Variants in AP1S2 observed in about 807,000 individuals in gnomAD.
The protein encoded by AP1S2 is AP-1 complex subunit sigma-2.
In AP1S2, 1 loss-of-function variant was observed where a neutral mutation model predicts 14.3. The observed-to-expected ratio is 0.07, with a 90% CI of 0.02 to 0.33. The LOEUF (loss-of-function observed/expected upper bound fraction) is 0.33, where lower values mean the gene tolerates loss of function less well. Ranked by LOEUF, AP1S2 falls within the 10% of genes least tolerant of loss-of-function variation. The pLI, the probability that AP1S2 is intolerant of heterozygous loss-of-function variation, is 0.99. For synonymous variants in AP1S2, 30 were observed against 40.5 expected (o/e 0.74, Z 0.99); for missense variants, 30 against 117.7 (o/e 0.25, Z 3.45).
intron 4 of AP1S2, chrX:15,833,338 C>A: frequency 1.2e-6 from 1 of 857,251 alleles, no homozygotes. Context: ...ACCACTTATA[C>A]CCTGACACAC....
In AP1S2 at chrX:15,839,211, C is replaced by T. The variant is rs142670324; in HGVS notation, c.426+6168G>A. Among the ~76,000 whole-genome samples, 746 of 111,724 alleles carry T rather than the reference C, an allele frequency of 6.7e-3. 1 individual carries two copies. Among genetic ancestry groups the T allele is most frequent in the Non-Finnish European group, 0.01 (554 of 53,119 alleles). ...GTTTACCTATAAAAAAACTAAAGTA[C>T]GCTGGCAATAAAAGACTATAGTCTT... On this transcript the variant is annotated intron_variant, in intron 4 of 5. Coordinates refer to ENST00000672987, the MANE Select transcript of AP1S2 (RefSeq NM_001272071.2).
At position 15,826,885 on chromosome X, in the gene AP1S2, C is replaced by CT; in HGVS notation, c.*439_*440insA. On this transcript the variant is annotated 3_prime_UTR_variant, in exon 6 of 6. Transcript: ENST00000672987. ...CATTTGATATGTGACATGTCAATTC[C>CT]CTTTTTTTTTTTTTTTACATATGCT... 1 of 107,614 alleles carries CT rather than the reference C, an allele frequency of 9.3e-6. No homozygotes were observed. Among genetic ancestry groups the CT allele is most frequent in the Non-Finnish European group, 1.9e-5 (1 of 52,711 alleles). 8.9% of individuals were successfully genotyped at this position (107,614 alleles called of 1,213,427 possible). A position where few individuals can be genotyped will look rare whatever the true frequency, so the allele number is the denominator to read the frequency against.
chrX:15,832,964 T>A (rs762486460), intron 4 of AP1S2: 1 of 1,127,112 alleles, frequency 8.9e-7, no homozygotes, highest in South Asian at 2.3e-5. Flanking sequence ...GTACGCTTTC[T>A]TAAACCCAAT....
intron 4 of AP1S2, chrX:15,830,160 T>TA: frequency 1.3e-6 from 1 of 748,733 alleles, no homozygotes; most frequent in Non-Finnish European, 1.6e-6. Context: ...AGCAACATTT[T>TA]GTTACAGCTT....
intron 4 of AP1S2, chrX:15,831,312 G>A (rs2147298619): frequency 2.7e-6 from 2 of 752,326 alleles, no homozygotes; most frequent in Non-Finnish European, 3.1e-6. Context: ...ATCAGTTGCA[G>A]AAAGGAATGA....
At chrX:15,845,346 G>A (rs780107799) in intron 4 of AP1S2, 33 bp downstream of exon 4, 1 of 1,208,457 alleles carries the variant, frequency 8.3e-7, no homozygotes, top group Admixed American at 2.2e-5. Flanking sequence ...AGCAAAACAT[G>A]CTAGTGCCTA....
Position 15,826,179 on chromosome X carries a change from A to G in AP1S2, c.*1146T>C, listed in dbSNP as rs1262607593. 2 of 112,414 alleles carry G rather than the reference A, an allele frequency of 1.8e-5. No individual in the cohort carries two copies. The highest frequency in any genetic ancestry group is 3.8e-5 in the Non-Finnish European group (2 of 53,267). 9.3% of individuals were successfully genotyped at this position (112,414 alleles called of 1,213,427 possible). A position where few individuals can be genotyped will look rare whatever the true frequency, so the allele number is the denominator to read the frequency against. ...CAAAGCTTAATCCAGCCCAGCATATATAAGTGAAAATATAAACCATGAAGA... is the reference window on the plus strand; with the variant it reads ...CAAAGCTTAATCCAGCCCAGCATATGTAAGTGAAAATATAAACCATGAAGA... On this transcript the variant is annotated 3_prime_UTR_variant, in exon 6 of 6. Transcript: ENST00000672987.
At chrX:15,838,092 T>C (rs1026872466) in intron 4 of AP1S2, among the ~76,000 whole-genome samples, 14 of 111,807 alleles carry the variant, frequency 1.3e-4, no homozygotes, top group African/African-American at 4.2e-4. Flanking sequence ...CCAAGGCTTC[T>C]TAACCTGGGC....
intron 2 of AP1S2, among the ~76,000 whole-genome samples, chrX:15,847,683 A>T (rs1934041926): frequency 8.9e-6 from 1 of 112,071 alleles, no homozygotes; most frequent in Non-Finnish European, 1.9e-5. Context: ...AAGAGAATAG[A>T]GTATTCCAAC....
At chrX:15,827,656 G>C (rs1933306439) in intron 5 of AP1S2, among the ~76,000 whole-genome samples, 2 of 111,753 alleles carry the variant, frequency 1.8e-5, no homozygotes, top group African/African-American at 6.5e-5. Flanking sequence ...GTGCAAACCT[G>C]CTGGCAATTT....
chrX:15,836,486 A>G (rs1933641736), intron 4 of AP1S2, among the ~76,000 whole-genome samples: 1 of 112,506 alleles, frequency 8.9e-6, no homozygotes, highest in Non-Finnish European at 1.9e-5. Flanking sequence ...AATAATGATG[A>G]GGATAATTTA....
rs1280389236 is a variant in AP1S2 at position 15,831,922 on chromosome X, C to T, written c.427-3722G>A. ...ATTCAATTAGAATATTCCCCTTCCACCAGTATTTAAATTCATTAGTTCATT... is the reference window on the plus strand; with the variant it reads ...ATTCAATTAGAATATTCCCCTTCCATCAGTATTTAAATTCATTAGTTCATT... On this transcript the variant is annotated intron_variant, in intron 4 of 5. Coordinates refer to ENST00000672987, the MANE Select transcript of AP1S2 (RefSeq NM_001272071.2). 1.2e-5 allele frequency: 9 copies of T among 745,835 alleles called. No individual in the cohort carries two copies. In the African/African-American group the frequency reaches 2.1e-4, roughly 17 times the overall value. 61.5% of individuals were successfully genotyped at this position (745,835 alleles called of 1,213,427 possible).
At chrX:15,854,235 C>T (rs1013880839) in intron 1 of AP1S2, among the ~76,000 whole-genome samples, 2 of 110,589 alleles carry the variant, frequency 1.8e-5, no homozygotes, top group Non-Finnish European at 3.8e-5. Context: ...GGCTCGGGGC[C>T]AGCGTTCCTC....
At chrX:15,828,580 G>A (rs1396022660) in intron 4 of AP1S2, among the ~76,000 whole-genome samples, 6 of 111,095 alleles carry the variant, frequency 5.4e-5, no homozygotes, top group Non-Finnish European at 1.1e-4. Flanking sequence ...CAGCTTTAGC[G>A]AAAAAAGGTA....
At chrX:15,834,397 C>T (rs1488039470) in intron 4 of AP1S2, among the ~76,000 whole-genome samples, 6 of 86,157 alleles carry the variant, frequency 7.0e-5, no homozygotes, top group African/African-American at 1.3e-4. Context: ...TCTTCTCATC[C>T]GAGACCAATG....
intron 4 of AP1S2, chrX:15,832,915 T>C: frequency 9.4e-7 from 1 of 1,060,177 alleles, no homozygotes; most frequent in Non-Finnish European, 1.2e-6. Flanking sequence ...TATATCCTAC[T>C]ACATTTTGAT....
chrX:15,849,701 T>TC (rs755410071), intron 2 of AP1S2, among the ~76,000 whole-genome samples: 13 of 111,808 alleles, frequency 1.2e-4, no homozygotes, highest in Non-Finnish European at 2.1e-4. Flanking sequence ...TTTCCTTTCT[T>TC]CCCATAACAG....
At chrX:15,836,835 T>C (rs1367878052) in intron 4 of AP1S2, among the ~76,000 whole-genome samples, 1 of 112,159 alleles carries the variant, frequency 8.9e-6, no homozygotes, top group Non-Finnish European at 1.9e-5. Context: ...AAGTGAGCCA[T>C]GGTGGTGCCA....
chrX:15,852,753 G>A (rs1476794166), intron 1 of AP1S2: 1 of 427,973 alleles, frequency 2.3e-6, no homozygotes, highest in African/African-American at 2.7e-5. Context: ...TTGAAGGGGA[G>A]TGTGCAGGAG....
Sources: allele counts gnomAD v4.1 joint callset (sites outside exome capture counted in the v4.1 genomes callset), GRCh38; gene constraint gnomAD v4.1.1; transcripts MANE v1.5; gene names NCBI Gene and HGNC (gene_info 2026-07-23, HGNC 2026-07-21).